Variants in TMEM268 observed in about 807,000 individuals in gnomAD.
TMEM268 encodes the protein transmembrane protein 268.
TMEM268 carries 24 observed loss-of-function variants against 39.1 expected under a neutral mutation model. That is an observed-to-expected ratio of 0.61 (90% confidence interval 0.44 to 0.86). The LOEUF (loss-of-function observed/expected upper bound fraction) is 0.86. TMEM268 is among the 40% of genes least tolerant of loss of function. The probability of loss-of-function intolerance (pLI) is 0.00; values close to 1 mark genes in which losing one functional copy is unlikely to be tolerated. For synonymous variants in TMEM268, 176 were observed against 173.5 expected (o/e 1.01, Z -0.12); for missense variants, 409 against 428.6 (o/e 0.95, Z 0.40).
At chr9:114,631,178 GCA>G (rs1222575208) in intron 5 of TMEM268, among the ~76,000 whole-genome samples, 2 of 151,260 alleles carry the variant, frequency 1.3e-5, no homozygotes, top group Non-Finnish European at 2.9e-5. Context: ...GGGTGTGGTG[GCA>G]CATGCCCATA....
intron 2 of TMEM268, among the ~76,000 whole-genome samples, chr9:114,623,743 A>C (rs2133631158): frequency 6.6e-6 from 1 of 152,216 alleles, no homozygotes; most frequent in South Asian, 2.1e-4. Context: ...CATGGGGCCC[A>C]CCCGGATGAT....
intron 4 of TMEM268, among the ~76,000 whole-genome samples, chr9:114,627,753 G>A (rs1341026794): frequency 3.3e-5 from 5 of 152,118 alleles, no homozygotes; most frequent in African/African-American, 7.2e-5. Flanking sequence ...TGAGACTTAG[G>A]GGAGTTATAA....
intron 2 of TMEM268, among the ~76,000 whole-genome samples, chr9:114,618,550 C>T (rs1207110476): frequency 6.6e-6 from 1 of 151,948 alleles, no homozygotes. Context: ...GTAATGCCAG[C>T]TACTAGGGAG....
upstream of TMEM268, among the ~76,000 whole-genome samples, chr9:114,609,253 G>C (rs1015883761): frequency 3.3e-5 from 5 of 152,056 alleles, no homozygotes; most frequent in Non-Finnish European, 7.3e-5. Context: ...GGAGGCTGCA[G>C]TGAGCCAAGA....
intron 8 of TMEM268, 65 bp from the exon 9 acceptor site, chr9:114,643,069 G>T: frequency 6.5e-7 from 1 of 1,541,242 alleles, no homozygotes; most frequent in Non-Finnish European, 8.9e-7. Flanking sequence ...TTCCCCTGGT[G>T]CCTAAGCCCT....
intron 1 of TMEM268, among the ~76,000 whole-genome samples, chr9:114,616,663 G>T (rs1845726452): frequency 6.6e-6 from 1 of 151,888 alleles, no homozygotes; most frequent in African/African-American, 2.4e-5. Context: ...ACCGTGCCTG[G>T]CTGATTTTTT....
intron 2 of TMEM268, among the ~76,000 whole-genome samples, chr9:114,618,670 A>G (rs1845829462): frequency 6.6e-6 from 1 of 152,138 alleles, no homozygotes; most frequent in African/African-American, 2.4e-5. Flanking sequence ...CTCAAAAAAA[A>G]AAAGAAAGAA....
chr9:114,633,807 GGAGCCCTCCT>G lies in TMEM268; in HGVS notation c.518_527del (p.Ala173AspfsTer8). On this transcript the variant is annotated frameshift_variant, in exon 6 of 9. Coordinates refer to ENST00000288502, the MANE Select transcript of TMEM268 (RefSeq NM_153045.4). LOFTEE classifies it high-confidence loss of function. ...GGACCTGAGGCTGGCAGCTGCCAAT[GGAGCCCTCCT>G]GAGACACCGGGTGCTGCTGGGGGTG... The G allele has an allele frequency of 1.2e-6, 2 of 1,605,226 alleles. No individual in the cohort carries two copies. Among genetic ancestry groups the G allele is most frequent in the Admixed American group, 3.4e-5 (2 of 58,558 alleles).
chr9:114,627,686 C>G (rs1411400104), intron 4 of TMEM268, among the ~76,000 whole-genome samples: 1 of 152,128 alleles, frequency 6.6e-6, no homozygotes, highest in Non-Finnish European at 1.5e-5. Flanking sequence ...CCTTGTTAAC[C>G]CTTATTACAA....
At chr9:114,635,139 G>A (rs1009586607) in intron 6 of TMEM268, among the ~76,000 whole-genome samples, 6 of 151,048 alleles carry the variant, frequency 4.0e-5, no homozygotes, top group East Asian at 4.0e-4. Context: ...TCAGGAGTTC[G>A]AAACCAGCCT....
At chr9:114,619,682 A>G (rs1731110550) in intron 2 of TMEM268, among the ~76,000 whole-genome samples, 2 of 152,000 alleles carry the variant, frequency 1.3e-5, no homozygotes, top group African/African-American at 2.4e-5. Context: ...TCTTGTTCTC[A>G]CTTTCATTTT....
chr9:114,618,159 G>A lies in TMEM268; in HGVS notation c.106+858G>A, dbSNP rs1456386372. ...CCCAAAGTGCTGGGATTACAGGCGT[G>A]AGCCACCACACCTGGCCCCAGATAT... On this transcript the variant is annotated intron_variant, in intron 2 of 8. Coordinates refer to ENST00000288502, the MANE Select transcript of TMEM268 (RefSeq NM_153045.4). Among the ~76,000 whole-genome samples, 7 of 152,208 alleles carry A rather than the reference G, an allele frequency of 4.6e-5. No individual in the cohort carries two copies. The East Asian group carries it at 1.4e-3, about 30-fold the overall frequency.
intron 6 of TMEM268, 51 bp downstream of exon 6, chr9:114,633,929 C>CCACTGCTCTCCAT: frequency 9.3e-7 from 1 of 1,079,152 alleles, no homozygotes; most frequent in Non-Finnish European, 1.4e-6. Flanking sequence ...TTATGTTGGG[C>CCACTGCTCTCCAT]TAATGGAGAG....
chr9:114,624,274 C>T (rs1410769078), intron 2 of TMEM268, 76 bp from the exon 3 acceptor site: 17 of 1,536,738 alleles, frequency 1.1e-5, no homozygotes, highest in African/African-American at 4.1e-5. Flanking sequence ...GGTGTGATGC[C>T]GCCAGGCTTC....
At position 114,620,493 on chromosome 9, in the gene TMEM268, C is replaced by T. The variant is rs576403832; in HGVS notation, c.106+3192C>T. On this transcript the variant is annotated intron_variant, in intron 2 of 8. Coordinates refer to ENST00000288502, the MANE Select transcript of TMEM268 (RefSeq NM_153045.4). Reference sequence around the variant, plus strand: ...CAACCTCCTGGGCTCAAGTAATCCACTTGCCTCAGCCTCCCAAAGTGCTGG... The same window carrying T: ...CAACCTCCTGGGCTCAAGTAATCCATTTGCCTCAGCCTCCCAAAGTGCTGG... 7.6e-4 allele frequency among the ~76,000 whole-genome samples: 115 copies of T among 152,298 alleles called. 1 individual carries two copies. The highest frequency in any genetic ancestry group is 2.6e-3 in the African/African-American group (107 of 41,570).
At chr9:114,606,256 G>C (rs377626626), upstream of TMEM268, among the ~76,000 whole-genome samples, 44 of 152,204 alleles carry the variant, frequency 2.9e-4, no homozygotes, top group African/African-American at 1.0e-3. Context: ...TATCTGCCCC[G>C]GGGGGATTGC....
rs73656158 is a variant in TMEM268, at chr9:114,617,009, C to T, written c.-78-109C>T. The T allele has an allele frequency of 1.1e-3, 535 of 485,882 alleles. 5 individuals are homozygous for T. The highest frequency in any genetic ancestry group is 0.01 in the African/African-American group (503 of 49,170). The allele number at this position is 485,882 out of a possible 1,614,324, so 30.1% of individuals were successfully genotyped here. ...AAGGCCAAAGTTGGCAAAAAGAGTC[C>T]GGGTAACTCTCCCTGGCCTTTGGTG... On this transcript the variant is annotated intron_variant, in intron 1 of 8. Transcript: ENST00000288502.
chr9:114,625,225 C>A (rs1231008661), intron 3 of TMEM268, among the ~76,000 whole-genome samples: 3 of 152,000 alleles, frequency 2.0e-5, no homozygotes, highest in African/African-American at 4.8e-5. Context: ...CTTGAGGAAC[C>A]CTGGCATTGT....
chr9:114,617,467 C>T (rs1023252402), intron 2 of TMEM268, among the ~76,000 whole-genome samples, 166 bp downstream of exon 2: 1 of 152,250 alleles, frequency 6.6e-6, no homozygotes, highest in Non-Finnish European at 1.5e-5. Flanking sequence ...GCCACCATCA[C>T]TCTCTGCTGA....
Sources: gnomAD v4.1 joint callset for allele counts (sites outside exome capture counted in the v4.1 genomes callset) on GRCh38, gnomAD v4.1.1 for gene constraint, MANE v1.5 for transcripts, NCBI Gene and HGNC (gene_info 2026-07-23, HGNC 2026-07-21) for gene names.